Variants in FAM135B observed in about 807,000 individuals in gnomAD.
FAM135B encodes family with sequence similarity 135 member B, also known as protein FAM135B.
Under a neutral mutation model 127.7 loss-of-function variants are expected in FAM135B, and 43 were observed. That is an observed-to-expected ratio of 0.34 (90% CI 0.26 to 0.43). The LOEUF (loss-of-function observed/expected upper bound fraction) is 0.43. FAM135B is among the 20% of genes least tolerant of loss of function. The pLI, the probability that FAM135B is intolerant of heterozygous loss-of-function variation, is 1.00. For missense variants in FAM135B, 1,558 were observed against 1,725.6 expected (o/e 0.90, Z 1.72); for synonymous variants, 670 against 665.1 (o/e 1.01, Z -0.11).
chr8:138,226,370 C>T (rs1304618852), intron 7 of FAM135B, among the ~76,000 whole-genome samples: 4 of 151,996 alleles, frequency 2.6e-5, no homozygotes, highest in African/African-American at 7.3e-5. Flanking sequence ...GAACAGAATT[C>T]TGTTACAATG....
chr8:138,242,998 T>C lies in FAM135B; in HGVS notation c.613A>G (p.Ile205Val), dbSNP rs1455789737. The C allele has an allele frequency of 6.2e-7, 1 of 1,613,888 alleles. No homozygotes were observed. Among genetic ancestry groups the C allele is most frequent in the East Asian group, 2.2e-5 (1 of 44,856 alleles). The change falls in exon 7 of 20, where the codon ATT becomes GTT. Residue 205 changes from isoleucine to valine, a missense_variant. Physicochemically the swap from Ile to Val is conservative, Grantham distance 29 (BLOSUM62 3). This residue lies in a region of FAM135B where 127 missense variants were observed against 109.7 expected (regional missense o/e 1.16). Coordinates refer to ENST00000395297, the MANE Select transcript of FAM135B (RefSeq NM_015912.4). This position sits in a 1 kb window ranked among gnomAD's most constrained non-coding sequence, Gnocchi z 9.6. ...CCAAAGACCAAGTTTTCCAGAGAAA[T>C]GATAGACTGTTCTTGTCCGGTGTCT... ...GPDTGQEQSIISLENLVFGAG... is the reference protein window; with the variant it reads ...GPDTGQEQSIVSLENLVFGAG...
chr8:138,153,207 A>C lies in FAM135B; in HGVS notation c.1268T>G (p.Leu423Trp). The C allele has an allele frequency of 6.5e-7, 1 of 1,527,720 alleles. No homozygotes were observed. The highest frequency in any genetic ancestry group is 8.7e-7 in the Non-Finnish European group (1 of 1,144,930). The allele number at this position is 1,527,720 out of a possible 1,614,324, so 94.6% of individuals were successfully genotyped here. A position where few individuals can be genotyped will look rare whatever the true frequency, so the allele number is the denominator to read the frequency against. Residue 423 changes from leucine to tryptophan, a missense_variant, in exon 13 of 20, where the codon TTG becomes TGG. By Grantham distance (61) the Leu-to-Trp change is moderately conservative. This residue lies in a region of FAM135B where 923 missense variants were observed against 865.3 expected (regional missense o/e 1.07). Coordinates refer to ENST00000395297, the MANE Select transcript of FAM135B (RefSeq NM_015912.4). ...AACATCAAAATTAGGATAAACACTC[A>C]AGTTATGCCCTACAAAAAAAAAAGA... ...YVDCPATGHN[L>W]SVYPNFDVPV...
At chr8:138,421,299 C>G in intron 1 of FAM135B, among the ~76,000 whole-genome samples, 1 of 151,948 alleles carries the variant, frequency 6.6e-6, no homozygotes, top group East Asian at 1.9e-4. Flanking sequence ...GGCAACAGAG[C>G]GAGACTCTGT....
intron 7 of FAM135B, among the ~76,000 whole-genome samples, chr8:138,217,202 T>C (rs1437431022): frequency 2.6e-5 from 4 of 152,192 alleles, no homozygotes; most frequent in South Asian, 4.1e-4. Flanking sequence ...AGAATCTATA[T>C]TTATGTAAAT....
chr8:138,332,982 C>T (rs879890444), intron 2 of FAM135B, among the ~76,000 whole-genome samples: 36 of 147,266 alleles, frequency 2.4e-4, no homozygotes, highest in Admixed American at 1.7e-3. Context: ...ATTTGGAAAG[C>T]GCACACACAC....
At chr8:138,434,320 G>A (rs940183253) in intron 1 of FAM135B, among the ~76,000 whole-genome samples, 1 of 152,152 alleles carries the variant, frequency 6.6e-6, no homozygotes, top group South Asian at 2.1e-4. Flanking sequence ...TTCTTTGGGA[G>A]TGAGAATAAT....
intron 12 of FAM135B, among the ~76,000 whole-genome samples, chr8:138,161,099 G>T (rs11166794): frequency 0.68 from 102,607 of 151,916 alleles, 34,701 homozygotes; most frequent in South Asian, 0.74. Context: ...TCAAAGTAGA[G>T]TTATGATACA....
In FAM135B at chr8:138,242,894, A is replaced by G; in HGVS notation, c.669+48T>C. The G allele has an allele frequency of 6.3e-7, 1 of 1,584,900 alleles. No homozygotes were observed. Among genetic ancestry groups the G allele is most frequent in the Non-Finnish European group, 8.6e-7 (1 of 1,167,656 alleles). ...GAATCTCATAGAACATACACTCTGC[A>G]AAGTAAAGTTTGAAAGTTTTGAAGC... On this transcript the variant is annotated intron_variant, in intron 7 of 19. Coordinates refer to ENST00000395297, the MANE Select transcript of FAM135B (RefSeq NM_015912.4). The surrounding 1 kb of genome is among the most constrained non-coding windows in gnomAD (Gnocchi z 9.6).
chr8:138,430,422 TTCTATGGA>T (rs1835134508), intron 1 of FAM135B, among the ~76,000 whole-genome samples: 1 of 152,206 alleles, frequency 6.6e-6, no homozygotes, highest in Non-Finnish European at 1.5e-5. Context: ...TTGCTCTCAA[TTCTATGGA>T]TCAGGAATTT....
intron 1 of FAM135B, among the ~76,000 whole-genome samples, chr8:138,495,203 T>C (rs1815345506): frequency 6.6e-6 from 1 of 152,256 alleles, no homozygotes; most frequent in Non-Finnish European, 1.5e-5. Context: ...CCCATTGGAT[T>C]GTGATTGAGC....
Position 138,441,454 on chromosome 8 carries a change from T to A in FAM135B, c.-20+55217A>T, listed in dbSNP as rs1308135402. On this transcript the variant is annotated intron_variant, in intron 1 of 19. Coordinates refer to ENST00000395297, the MANE Select transcript of FAM135B (RefSeq NM_015912.4). ...ACAATGACACTTTGAATGGGGGTGTTTTATTGGATTGAGACCAAACTGGAA... is the reference window on the plus strand; with the variant it reads ...ACAATGACACTTTGAATGGGGGTGTATTATTGGATTGAGACCAAACTGGAA... 3.3e-5 allele frequency: 5 copies of A among 152,172 alleles called. No homozygotes were observed. The East Asian group carries it at 9.6e-4, about 29-fold the overall frequency. The allele number at this position is 152,172 out of a possible 1,614,324, so 9.4% of individuals were successfully genotyped here.
intron 16 of FAM135B, among the ~76,000 whole-genome samples, chr8:138,142,321 G>A (rs1433650481): frequency 1.1e-5 from 1 of 89,084 alleles, no homozygotes; most frequent in Non-Finnish European, 2.0e-5. Context: ...TTTTTTTTGA[G>A]ATGGAGTCTC....
intron 7 of FAM135B, among the ~76,000 whole-genome samples, chr8:138,223,192 C>G (rs1289133969): frequency 6.6e-6 from 1 of 152,160 alleles, no homozygotes; most frequent in Admixed American, 6.5e-5. Flanking sequence ...CGGGGTTAAA[C>G]AGGAGAGAAC....
chr8:138,457,500 A>G (rs13280186), intron 1 of FAM135B, among the ~76,000 whole-genome samples: 69,648 of 151,916 alleles, frequency 0.46, 17,490 homozygotes, highest in East Asian at 0.83. Flanking sequence ...TGAGCATGGC[A>G]TCACCAACTC....
Position 138,441,768 on chromosome 8 carries a change from C to T in FAM135B, c.-20+54903G>A, listed in dbSNP as rs570638058. ...TTAGCTTGAGACCTTGATTCAAATT[C>T]GATCATATGAGTGGACCTAGGAAGC... is the stretch of plus-strand genomic sequence containing the variant. On this transcript the variant is annotated intron_variant, in intron 1 of 19. Coordinates refer to ENST00000395297, the MANE Select transcript of FAM135B (RefSeq NM_015912.4). 6.0e-5 allele frequency: 9 copies of T among 150,980 alleles called. No individual in the cohort carries two copies. The East Asian group carries it at 7.9e-4, about 13-fold the overall frequency. 9.4% of individuals were successfully genotyped at this position (150,980 alleles called of 1,614,324 possible). A position where few individuals can be genotyped will look rare whatever the true frequency, so the allele number is the denominator to read the frequency against.
chr8:138,249,022 A>G (rs1203309394), intron 6 of FAM135B, among the ~76,000 whole-genome samples: 1 of 152,042 alleles, frequency 6.6e-6, no homozygotes, highest in Non-Finnish European at 1.5e-5. Flanking sequence ...GGGCCCCAGA[A>G]TCCACTGCAG....
chr8:138,258,478 A>C (rs1262214096), intron 4 of FAM135B, among the ~76,000 whole-genome samples: 1 of 152,208 alleles, frequency 6.6e-6, no homozygotes, highest in African/African-American at 2.4e-5. Context: ...CCTCAAATAC[A>C]CAAGGAAAGC....
At chr8:138,274,282 C>A (rs1823633418) in intron 3 of FAM135B, among the ~76,000 whole-genome samples, 1 of 152,136 alleles carries the variant, frequency 6.6e-6, no homozygotes, top group Non-Finnish European at 1.5e-5. Context: ...TAAAGCTGGG[C>A]ATCTGGGGGA....
At chr8:138,308,890 C>T in intron 3 of FAM135B, 1 of 338,368 alleles carries the variant, frequency 3.0e-6, no homozygotes. Flanking sequence ...ATTTCTGCTT[C>T]ACTTCTAGGT....
Sources: allele counts gnomAD v4.1 joint callset (sites outside exome capture counted in the v4.1 genomes callset), GRCh38; gene constraint gnomAD v4.1.1; regional missense constraint gnomAD v4.1.1; non-coding constraint Gnocchi (gnomAD v3.1); transcripts MANE v1.5; gene names NCBI Gene and HGNC (gene_info 2026-07-23, HGNC 2026-07-21).